The following ODAD4 variants were observed in gnomAD, a reference collection of about 807,000 sequenced individuals.
The protein encoded by ODAD4 is outer dynein arm-docking complex subunit 4.
In ODAD4, 49 loss-of-function variants were observed where a neutral mutation model predicts 51.8. That is an observed-to-expected ratio of 0.95 (90% CI 0.75 to 1.20). ODAD4 has a LOEUF of 1.20. ODAD4 is among the 50% of genes most tolerant of loss of function. ODAD4 has a pLI of 0.00. For missense variants in ODAD4, 590 were observed against 586.5 expected, an observed-to-expected ratio of 1.01 and a Z score of -0.06; for synonymous variants, 235 against 221.3, an observed-to-expected ratio of 1.06 and a Z score of -0.55.
At chr17:41,947,572 G>A (rs1289302434) in intron 8 of ODAD4, among the ~76,000 whole-genome samples, 2 of 150,636 alleles carry the variant, frequency 1.3e-5, no homozygotes, top group South Asian at 2.1e-4. Flanking sequence ...CGAGGTGGGC[G>A]GACCTCCTGA....
At chr17:41,944,513 G>C (rs1598079437) in intron 7 of ODAD4, among the ~76,000 whole-genome samples, 2 of 149,824 alleles carry the variant, frequency 1.3e-5, no homozygotes, top group South Asian at 4.2e-4. Flanking sequence ...TTTTTGGCCA[G>C]GTGCAGTGGC....
intron 9 of ODAD4, among the ~76,000 whole-genome samples, chr17:41,949,664 T>G (rs1014912174): frequency 5.9e-5 from 9 of 152,172 alleles, no homozygotes; most frequent in African/African-American, 1.2e-4. Flanking sequence ...TGGTACTTTT[T>G]TTTTGTTTTG....
Position 41,939,321 on chromosome 17 carries a change from T to C in ODAD4, c.1058+149T>C. 7.6e-6 allele frequency: 6 copies of C among 788,310 alleles called. No individual in the cohort carries two copies. The South Asian group carries it at 1.1e-4, about 15-fold the overall frequency. The allele number at this position is 788,310 out of a possible 1,614,324, so 48.8% of individuals were successfully genotyped here. A position where few individuals can be genotyped will look rare whatever the true frequency, so the allele number is the denominator to read the frequency against. On this transcript the variant is annotated intron_variant, in intron 7 of 11. Coordinates refer to ENST00000377540, the MANE Select transcript of ODAD4 (RefSeq NM_031421.5). ...GATTCTCCTGGAGGTGGGGACCACC[T>C]GCCCAGGACTGAGGGTGGGGGCACC... is the stretch of plus-strand genomic sequence containing the variant.
At chr17:41,941,268 G>T (rs2050501006) in intron 7 of ODAD4, among the ~76,000 whole-genome samples, 1 of 152,188 alleles carries the variant, frequency 6.6e-6, no homozygotes, top group South Asian at 2.1e-4. Flanking sequence ...TCAATGCCCT[G>T]CTCAACACAG....
chr17:41,944,430 ACACACACACACACACCCC>A (rs1258019438), intron 7 of ODAD4, among the ~76,000 whole-genome samples: 2 of 20,512 alleles, frequency 9.8e-5, no homozygotes, highest in African/African-American at 4.5e-4. Context: ...ACACACACAC[ACACACACACACACACCCC>A]CCCGCATACA....
chr17:41,933,517 TG>T (rs781860061), intron 1 of ODAD4, among the ~76,000 whole-genome samples: 1 of 151,926 alleles, frequency 6.6e-6, no homozygotes, highest in Non-Finnish European at 1.5e-5. Flanking sequence ...CCGGACGTGG[TG>T]GCGAGTGCCT....
intron 8 of ODAD4, 105 bp downstream of exon 8, chr17:41,945,327 G>T: frequency 3.0e-6 from 2 of 662,726 alleles, no homozygotes; most frequent in Non-Finnish European, 4.9e-6. Context: ...GGCAACATAG[G>T]AAGACTCCCT....
chr17:41,953,811 G>A (rs912216511), intron 9 of ODAD4, among the ~76,000 whole-genome samples: 7 of 147,048 alleles, frequency 4.8e-5, no homozygotes, highest in Admixed American at 4.1e-4. Flanking sequence ...GGGACTACAT[G>A]CATGCGGCCT....
chr17:41,948,503 G>A (rs2050616075), intron 8 of ODAD4, among the ~76,000 whole-genome samples: 1 of 150,546 alleles, frequency 6.6e-6, no homozygotes, highest in Admixed American at 6.6e-5. Context: ...TTTTTGTAGA[G>A]ATGGGGTTTT....
intron 9 of ODAD4, among the ~76,000 whole-genome samples, chr17:41,952,848 C>T (rs1246249906): frequency 2.6e-5 from 4 of 152,010 alleles, no homozygotes; most frequent in Non-Finnish European, 4.4e-5. Flanking sequence ...CGGTGATTCT[C>T]CCTCCTCAGC....
chr17:41,959,448 G>T (rs1555641411), intron 10 of ODAD4, among the ~76,000 whole-genome samples: 1 of 152,218 alleles, frequency 6.6e-6, no homozygotes, highest in East Asian at 1.9e-4. Context: ...CAGCAAAGGG[G>T]CATGGCCTCA....
intron 9 of ODAD4, among the ~76,000 whole-genome samples, chr17:41,952,484 T>C (rs560987534): frequency 8.1e-6 from 1 of 122,986 alleles, no homozygotes; most frequent in Non-Finnish European, 1.6e-5. Flanking sequence ...CAGTGAGCCA[T>C]GATCATGCCA....
At chr17:41,943,406 T>G (rs1555638972) in intron 7 of ODAD4, among the ~76,000 whole-genome samples, 1 of 152,182 alleles carries the variant, frequency 6.6e-6, no homozygotes. Context: ...GGCTGTTTAT[T>G]TCACCTGGGT....
rs536245559 is a variant in ODAD4 at position 41,951,422 on chromosome 17, C to T, written c.1342+2073C>T. ...TTTCTCAAAATCATTGAACTTTATCCTTACAAGCCGGTGAACTTTATTTAT... is the reference window on the plus strand; with the variant it reads ...TTTCTCAAAATCATTGAACTTTATCTTTACAAGCCGGTGAACTTTATTTAT... On this transcript the variant is annotated intron_variant, in intron 9 of 11. Coordinates refer to ENST00000377540, the MANE Select transcript of ODAD4 (RefSeq NM_031421.5). Among the ~76,000 whole-genome samples the T allele has an allele frequency of 1.5e-3, 235 of 151,708 alleles. 1 individual carries two copies. The highest frequency in any genetic ancestry group is 3.2e-3 in the Non-Finnish European group (217 of 67,930).
chr17:41,955,648 T>A (rs935284147), intron 10 of ODAD4, among the ~76,000 whole-genome samples: 6 of 152,032 alleles, frequency 3.9e-5, no homozygotes, highest in Admixed American at 6.6e-5. Context: ...ATGGTCTCGA[T>A]CTCCTGACTT....
At chr17:41,946,364 C>T (rs1423515064) in intron 8 of ODAD4, among the ~76,000 whole-genome samples, 2 of 152,216 alleles carry the variant, frequency 1.3e-5, no homozygotes, top group Non-Finnish European at 2.9e-5. Flanking sequence ...CTCACTCTGT[C>T]ACCCAGGCTG....
intron 1 of ODAD4, among the ~76,000 whole-genome samples, chr17:41,931,253 CTGT>C (rs1358520141): frequency 3.3e-5 from 5 of 152,086 alleles, no homozygotes; most frequent in Non-Finnish European, 5.9e-5. Context: ...CTGGAGGACC[CTGT>C]TGTTTCTATT....
chr17:41,964,008 TG>T (rs2144547709), intron 11 of ODAD4, among the ~76,000 whole-genome samples: 1 of 152,114 alleles, frequency 6.6e-6, no homozygotes, highest in South Asian at 2.1e-4. Flanking sequence ...GTGATTCTCC[TG>T]CCTCAGCCTC....
chr17:41,934,915 G>A (rs1418664169), intron 1 of ODAD4, among the ~76,000 whole-genome samples: 10 of 152,160 alleles, frequency 6.6e-5, no homozygotes, highest in Admixed American at 2.0e-4. Context: ...GAAAGTCAGC[G>A]TATCCACAGA....
Sources: gnomAD v4.1 joint callset for allele counts (sites outside exome capture counted in the v4.1 genomes callset) on GRCh38, gnomAD v4.1.1 for gene constraint, MANE v1.5 for transcripts, NCBI Gene and HGNC (gene_info 2026-07-23, HGNC 2026-07-21) for gene names.